Variants in TTC23L observed in about 807,000 individuals in gnomAD.
TTC23L encodes the protein tetratricopeptide repeat protein 23-like.
In TTC23L, 42 loss-of-function variants were observed where a neutral mutation model predicts 48.1. The observed-to-expected ratio is 0.87, with a 90% CI of 0.68 to 1.13. The LOEUF (loss-of-function observed/expected upper bound fraction) is 1.13, where lower values mean the gene tolerates loss of function less well. TTC23L is among the 50% of genes most tolerant of loss of function. The pLI, the probability that TTC23L is intolerant of heterozygous loss-of-function variation, is 0.00. For synonymous variants in TTC23L, 159 were observed against 157.2 expected, an observed-to-expected ratio of 1.01 and a Z score of -0.09; for missense variants, 391 against 421.0, an observed-to-expected ratio of 0.93 and a Z score of 0.62.
chr5:34,839,443 C>T (rs10078917), intron 1 of TTC23L, 184 bp downstream of exon 1: 22,793 of 168,310 alleles, frequency 0.14, 3,383 homozygotes, highest in African/African-American at 0.39. Flanking sequence ...GGCGTCAGGG[C>T]TTACAGACTT....
chr5:34,850,450 A>G, intron 4 of TTC23L, 142 bp downstream of exon 4: 1 of 908,920 alleles, frequency 1.1e-6, no homozygotes, highest in Non-Finnish European at 1.6e-6. Flanking sequence ...AAGTCCATGG[A>G]TGAGGGAGAC....
At chr5:34,922,102 C>G in the TTC23L span, 1 of 538,666 alleles carries the variant, frequency 1.9e-6, no homozygotes, top group Non-Finnish European at 3.3e-6. Context: ...GCCTTTGTAG[C>G]CTATTAGCCT....
At chr5:34,859,880 G>A (rs1455944897) in intron 4 of TTC23L, among the ~76,000 whole-genome samples, 1 of 101,352 alleles carries the variant, frequency 9.9e-6, no homozygotes, top group Non-Finnish European at 1.8e-5. Context: ...ATCTCACTCT[G>A]TTGTCCAGGC....
the TTC23L span, chr5:34,911,873 C>T: frequency 1.0e-5 from 16 of 1,535,276 alleles, no homozygotes; most frequent in Admixed American, 4.1e-5. Context: ...AGCTTCTCCT[C>T]GAAATGATAC....
intron 8 of TTC23L, among the ~76,000 whole-genome samples, chr5:34,878,413 G>A (rs917173302): frequency 1.3e-5 from 2 of 152,108 alleles, no homozygotes; most frequent in African/African-American, 2.4e-5. Context: ...TGGATAAGAA[G>A]ACTCAATAAA....
At chr5:34,845,551 G>C (rs1759039062) in exon 3 of TTC23L, 1 of 1,613,974 alleles carries the variant, frequency 6.2e-7, no homozygotes, top group Non-Finnish European at 8.5e-7. Context: ...TGGTGGGTGT[G>C]GAGAGAGTGA....
At chr5:34,880,141 G>T in intron 8 of TTC23L, 40 bp from the exon 9 acceptor site, 1 of 1,591,608 alleles carries the variant, frequency 6.3e-7, no homozygotes, top group Non-Finnish European at 8.5e-7. Context: ...ATTTGTAAAG[G>T]TTAGCAGCTT....
the TTC23L span, chr5:34,915,642 G>A: frequency 7.1e-7 from 1 of 1,406,896 alleles, no homozygotes; most frequent in Non-Finnish European, 9.4e-7. Context: ...GGACGACCGC[G>A]GAGCTGAGCG....
At chr5:34,845,953 T>G (rs937474517) in intron 3 of TTC23L, among the ~76,000 whole-genome samples, 5 of 152,056 alleles carry the variant, frequency 3.3e-5, no homozygotes, top group Non-Finnish European at 5.9e-5. Context: ...TCCCAACACC[T>G]TGGAAAACCG....
chr5:34,925,092 A>T, the TTC23L span: 1 of 1,459,736 alleles, frequency 6.9e-7, no homozygotes. Context: ...TTTGCTGCAT[A>T]GAAACTTGGA....
At chr5:34,858,203 G>A (rs1035852533) in intron 4 of TTC23L, among the ~76,000 whole-genome samples, 6 of 152,164 alleles carry the variant, frequency 3.9e-5, no homozygotes, top group Non-Finnish European at 5.9e-5. Context: ...GCAGGTAGAA[G>A]GGTGGTATCC....
intron 6 of TTC23L, among the ~76,000 whole-genome samples, chr5:34,866,195 C>T (rs1230862714): frequency 1.3e-5 from 2 of 152,122 alleles, no homozygotes; most frequent in African/African-American, 2.4e-5. Flanking sequence ...GTATGAAGAA[C>T]GAATAAGCCG....
chr5:34,866,971 G>C (rs754156285), exon 7 of TTC23L: 2 of 1,611,098 alleles, frequency 1.2e-6, no homozygotes, highest in Non-Finnish European at 1.7e-6. Flanking sequence ...TGCTGCCAAG[G>C]GTGATAGGAC....
At chr5:34,901,835 T>G (rs1419878969), downstream of TTC23L, among the ~76,000 whole-genome samples, 2 of 152,136 alleles carry the variant, frequency 1.3e-5, no homozygotes, top group African/African-American at 4.8e-5. Context: ...AGCTTGGTAA[T>G]TATAAAGCAG....
At chr5:34,868,882 T>C (rs1184407907) in intron 7 of TTC23L, 23 bp from the exon 8 acceptor site, 1 of 1,576,264 alleles carries the variant, frequency 6.3e-7, no homozygotes, top group Admixed American at 1.8e-5. Flanking sequence ...GTGCTTACCT[T>C]GTCATGATTT....
chr5:34,892,016 CTT>C, intron 9 of TTC23L, among the ~76,000 whole-genome samples: 1 of 152,268 alleles, frequency 6.6e-6, no homozygotes, highest in Admixed American at 6.5e-5. Context: ...GAAGGTTTTT[CTT>C]TCCCTGAAAC....
In TTC23L at chr5:34,897,308, T is replaced by C. The variant is rs555167455; in HGVS notation, c.*97+433T>C. 4.6e-5 allele frequency among the ~76,000 whole-genome samples: 7 copies of C among 152,040 alleles called. No homozygotes were observed. In the East Asian group the frequency reaches 1.4e-3, roughly 29 times the overall value. On this transcript the variant is annotated intron_variant, in intron 10 of 10. Transcript: ENST00000505624. Reference sequence around the variant, plus strand: ...GCTGAGGCAGGAGAATTGCTTGACCTGGGAGGTGGAGGTTGCAGTGAGCCG... The same window carrying C: ...GCTGAGGCAGGAGAATTGCTTGACCCGGGAGGTGGAGGTTGCAGTGAGCCG...
the TTC23L span, chr5:34,907,882 G>A: frequency 2.0e-5 from 3 of 151,324 alleles, no homozygotes; most frequent in Non-Finnish European, 4.4e-5. Flanking sequence ...TGCTATTAAA[G>A]AAAAAAAAAG....
chr5:34,845,746 G>T (rs72732814), intron 3 of TTC23L, 73 bp downstream of exon 3: 302 of 1,384,268 alleles, frequency 2.2e-4, no homozygotes, highest in Non-Finnish European at 2.9e-4. Context: ...CTTTGCCTTC[G>T]ATGCAGATTG....
Sources: allele counts gnomAD v4.1 joint callset (sites outside exome capture counted in the v4.1 genomes callset), GRCh38; gene constraint gnomAD v4.1.1; transcripts MANE v1.5; gene names NCBI Gene and HGNC (gene_info 2026-07-23, HGNC 2026-07-21).